POLA1: variants seen among roughly 807,000 people sequenced by gnomAD.
The protein encoded by POLA1 is DNA polymerase alpha 1, catalytic subunit.
Under a neutral mutation model 124.0 loss-of-function variants are expected in POLA1, and 15 were observed. That is an observed-to-expected ratio of 0.12 (90% CI 0.08 to 0.19). The LOEUF is 0.19. POLA1 is among the 10% of genes least tolerant of loss of function. POLA1 has a pLI of 1.00. For synonymous variants in POLA1, 408 were observed against 389.4 expected (o/e 1.05, Z -0.56); for missense variants, 886 against 1,103.4 (o/e 0.80, Z 2.79).
chrX:24,931,333 G>A (rs2047776555), intron 36 of POLA1, among the ~76,000 whole-genome samples: 1 of 111,070 alleles, frequency 9.0e-6, no homozygotes, highest in African/African-American at 3.3e-5. Context: ...TTTGTTGGTC[G>A]GTACTAGGGC....
chrX:24,961,531 G>A (rs145676743), intron 36 of POLA1, among the ~76,000 whole-genome samples: 1,152 of 110,817 alleles, frequency 0.01, 14 homozygotes, highest in African/African-American at 0.036. Flanking sequence ...TTGTCCCTAA[G>A]GTCAACCCTA....
chrX:24,876,388 G>A (rs918964917), intron 34 of POLA1, among the ~76,000 whole-genome samples: 1 of 111,696 alleles, frequency 9.0e-6, no homozygotes, highest in Non-Finnish European at 1.9e-5. Context: ...TTGCCAAGAG[G>A]AAAGAAGTGG....
intron 34 of POLA1, among the ~76,000 whole-genome samples, chrX:24,854,202 C>T (rs1381089276): frequency 1.8e-5 from 2 of 110,910 alleles, no homozygotes; most frequent in African/African-American, 3.3e-5. Flanking sequence ...CCCACCACCA[C>T]GCTCGGCTAA....
intron 32 of POLA1, among the ~76,000 whole-genome samples, chrX:24,832,909 CATTT>C (rs1212331092): frequency 8.9e-6 from 1 of 111,816 alleles, no homozygotes; most frequent in Non-Finnish European, 1.9e-5. Flanking sequence ...AACTCACCTT[CATTT>C]ATTTATTTAT....
intron 30 of POLA1, among the ~76,000 whole-genome samples, chrX:24,818,946 G>A (rs965194514): frequency 8.9e-6 from 1 of 112,075 alleles, no homozygotes; most frequent in Non-Finnish European, 1.9e-5. Flanking sequence ...TTAGAAAAAG[G>A]AGAAGTATTT....
intron 24 of POLA1, 46 bp downstream of exon 24, chrX:24,745,588 G>C: frequency 2.2e-6 from 2 of 908,007 alleles, no homozygotes; most frequent in Non-Finnish European, 3.1e-6. Context: ...TAAAAAAATT[G>C]CTTAAAGAAG....
intron 35 of POLA1, among the ~76,000 whole-genome samples, chrX:24,901,690 A>T (rs1029861887): frequency 9.0e-6 from 1 of 111,127 alleles, no homozygotes. Flanking sequence ...AAGTGGTTAG[A>T]TTCTTGATGC....
chrX:24,959,246 A>G (rs1199245768), intron 36 of POLA1, among the ~76,000 whole-genome samples: 1 of 111,475 alleles, frequency 9.0e-6, no homozygotes, highest in African/African-American at 3.3e-5. Flanking sequence ...TGGGCGGATC[A>G]CGAGGTCAGG....
chrX:24,911,681 C>G (rs2047450878), intron 35 of POLA1, among the ~76,000 whole-genome samples: 1 of 110,709 alleles, frequency 9.0e-6, no homozygotes, highest in African/African-American at 3.3e-5. Context: ...TTGGAAAGAT[C>G]AATAAAATTG....
intron 34 of POLA1, among the ~76,000 whole-genome samples, chrX:24,847,311 G>A (rs924503943): frequency 2.7e-5 from 3 of 111,789 alleles, no homozygotes; most frequent in African/African-American, 9.8e-5. Flanking sequence ...TACTTAAAGA[G>A]CCATTTGCCT....
At chrX:24,980,905 G>T (rs1181511317) in intron 36 of POLA1, among the ~76,000 whole-genome samples, 2 of 111,268 alleles carry the variant, frequency 1.8e-5, no homozygotes, top group African/African-American at 6.5e-5. Flanking sequence ...CATCTGTGTG[G>T]GTACCTATAT....
rs373479807 is a variant in POLA1, at chrX:24,729,775, A to AT, written c.1686+1850dup. ...TTGTCAGTGTTTTCAGTATTTTCTGATTTTTTTTTTTAGTATGTGTTTTGA... is the reference window on the plus strand; with the variant it reads ...TTGTCAGTGTTTTCAGTATTTTCTGATTTTTTTTTTTTAGTATGTGTTTTGA... On this transcript the variant is annotated intron_variant, in intron 15 of 36. Coordinates refer to ENST00000379068, the MANE Select transcript of POLA1 (RefSeq NM_001330360.2). Among the ~76,000 whole-genome samples, 61 of 102,305 alleles carry AT rather than the reference A, an allele frequency of 6.0e-4. 1 individual carries two copies. The Middle Eastern group carries it at 0.035, about 58-fold the overall frequency. The allele number at this position is 102,305 out of a possible 115,157, so 88.8% of individuals were successfully genotyped here. A position where few individuals can be genotyped will look rare whatever the true frequency, so the allele number is the denominator to read the frequency against.
At chrX:24,706,700 T>A (rs113985995) in intron 4 of POLA1, among the ~76,000 whole-genome samples, 106 of 112,106 alleles carry the variant, frequency 9.5e-4, no homozygotes, top group Non-Finnish European at 1.4e-3. Flanking sequence ...AAGTAAAATT[T>A]ATGATTTCTC....
At chrX:24,789,653 A>C (rs1298806476) in intron 26 of POLA1, among the ~76,000 whole-genome samples, 1 of 111,883 alleles carries the variant, frequency 8.9e-6, no homozygotes, top group Non-Finnish European at 1.9e-5. Context: ...TTGCTGAAGT[A>C]ACAGCTTGTT....
rs1334341091 is a variant in POLA1, at chrX:24,801,748, A to G, written c.2965-8150A>G. ...TAAATTTAATGCTCACAGTAGCCCT[A>G]TTAGGAAGCTTCAGTTGCTATCTCC... On this transcript the variant is annotated intron_variant, in intron 26 of 36. Transcript: ENST00000379068. 2.2e-4 allele frequency among the ~76,000 whole-genome samples: 24 copies of G among 111,311 alleles called. No homozygotes were observed. In the Admixed American group the frequency reaches 2.3e-3, roughly 11 times the overall value.
At chrX:24,962,588 ATAAT>A (rs1218534397) in intron 36 of POLA1, among the ~76,000 whole-genome samples, 1 of 112,069 alleles carries the variant, frequency 8.9e-6, no homozygotes, top group African/African-American at 3.2e-5. Context: ...GGTTGGTACT[ATAAT>A]TATTATTAGA....
chrX:24,993,564 A>T lies in POLA1; in HGVS notation c.4262-2241A>T, dbSNP rs11573527. Among the ~76,000 whole-genome samples the T allele has an allele frequency of 2.7e-5, 3 of 111,868 alleles. No individual in the cohort carries two copies. In the South Asian group the frequency reaches 1.1e-3, roughly 43 times the overall value. ...TCCCTTGAGTTCTAAAGTGGTGGATATAGTATTGACAGAAACAGGGTAACA... is the reference window on the plus strand; with the variant it reads ...TCCCTTGAGTTCTAAAGTGGTGGATTTAGTATTGACAGAAACAGGGTAACA... On this transcript the variant is annotated intron_variant, in intron 36 of 36. Coordinates refer to ENST00000379068, the MANE Select transcript of POLA1 (RefSeq NM_001330360.2).
intron 34 of POLA1, among the ~76,000 whole-genome samples, chrX:24,861,412 G>T (rs904044170): frequency 8.9e-6 from 1 of 112,852 alleles, no homozygotes; most frequent in Admixed American, 9.3e-5. Context: ...GATTACAGGT[G>T]TGAGCCACCA....
Position 24,903,960 on chromosome X carries a change from G to A in POLA1, c.4164+15838G>A, listed in dbSNP as rs181963343. Among the ~76,000 whole-genome samples, 11 of 96,701 alleles carry A rather than the reference G, an allele frequency of 1.1e-4. No individual in the cohort carries two copies. In the Admixed American group the frequency reaches 1.2e-3, roughly 10 times the overall value. The allele number at this position is 96,701 out of a possible 115,157, so 84.0% of individuals were successfully genotyped here. A position where few individuals can be genotyped will look rare whatever the true frequency, so the allele number is the denominator to read the frequency against. On this transcript the variant is annotated intron_variant, in intron 35 of 36. Coordinates refer to ENST00000379068, the MANE Select transcript of POLA1 (RefSeq NM_001330360.2). ...TTCTTTCTTTTTTTTTTTTAAGACC[G>A]GTTCTTACTCTGTCAACCAGGTGGA...
Sources: allele counts gnomAD v4.1 joint callset (sites outside exome capture counted in the v4.1 genomes callset), GRCh38; gene constraint gnomAD v4.1.1; transcripts MANE v1.5; gene names NCBI Gene and HGNC (gene_info 2026-07-23, HGNC 2026-07-21).